DMTN: variants seen among roughly 807,000 people sequenced by gnomAD.
The protein encoded by DMTN is dematin actin binding protein.
In DMTN, 27 loss-of-function variants were observed where a neutral mutation model predicts 59.4. The observed-to-expected ratio is 0.45, with a 90% confidence interval of 0.33 to 0.63. DMTN has a LOEUF of 0.63. Among genes scored for constraint, DMTN ranks in the 20% least tolerant of loss-of-function variants. The pLI, the probability that DMTN is intolerant of heterozygous loss-of-function variation, is 0.02. For missense variants in DMTN, 451 were observed against 528.9 expected, an observed-to-expected ratio of 0.85 and a Z score of 1.45; for synonymous variants, 221 against 203.7, an observed-to-expected ratio of 1.08 and a Z score of -0.72.
Position 22,067,656 on chromosome 8 carries a change from C to A in DMTN, c.223C>A (p.His75Asn), listed in dbSNP as rs1225813349. The change falls in exon 4 of 16, where the codon CAC becomes AAC. Residue 75 changes from histidine to asparagine, a missense_variant. Coordinates refer to ENST00000358242, the MANE Select transcript of DMTN (RefSeq NM_001387751.1). ...TCACTTCACTTATTCCCTCCTGGAA[C>A]ACGTGGAGCTGCCTCGCAGCCGCGA... ...EPHFTYSLLEHVELPRSRERS... is the reference protein window; with the variant it reads ...EPHFTYSLLENVELPRSRERS... The A allele has an allele frequency of 6.2e-7, 1 of 1,613,982 alleles. No homozygotes were observed. The highest frequency in any genetic ancestry group is 1.3e-5 in the African/African-American group (1 of 74,936).
chr8:22,081,646 G>C lies in DMTN; in HGVS notation c.*183G>C. 1 of 619,238 alleles carries C rather than the reference G, an allele frequency of 1.6e-6. No individual in the cohort carries two copies. The highest frequency in any genetic ancestry group is 2.9e-6 in the Non-Finnish European group (1 of 347,548). 38.4% of individuals were successfully genotyped at this position (619,238 alleles called of 1,614,324 possible). On this transcript the variant is annotated 3_prime_UTR_variant, in exon 16 of 16. Coordinates refer to ENST00000358242, the MANE Select transcript of DMTN (RefSeq NM_001387751.1). ...TATGGACTTTCTTCCCCCTCACAAG[G>C]CTGGGGGCCTCCTGCTCTCGTCCCT...
At chr8:22,071,299 T>A (rs1300747142) in intron 8 of DMTN, among the ~76,000 whole-genome samples, 1 of 151,238 alleles carries the variant, frequency 6.6e-6, no homozygotes, top group Non-Finnish European at 1.5e-5. Context: ...GTTTTCATTA[T>A]GTTGGCCAGG....
At chr8:22,076,756 A>G (rs537734917) in intron 10 of DMTN, among the ~76,000 whole-genome samples, 130 of 152,108 alleles carry the variant, frequency 8.5e-4, no homozygotes, top group African/African-American at 3.0e-3. Flanking sequence ...GGTGACATAT[A>G]TATACACACA....
At chr8:22,054,365 C>A (rs185409111), upstream of DMTN, among the ~76,000 whole-genome samples, 2 of 151,798 alleles carry the variant, frequency 1.3e-5, no homozygotes, top group East Asian at 3.9e-4. Flanking sequence ...TGGAAGAGAG[C>A]TGTCCCTTGC....
chr8:22,073,721 C>T lies in DMTN; in HGVS notation c.730-9C>T. 6.2e-7 allele frequency: 1 copy of T among 1,601,330 alleles called. No individual in the cohort carries two copies. The highest frequency in any genetic ancestry group is 1.1e-5 in the South Asian group (1 of 90,820). ...AGTCTTGGCTCCATCTTCCTTTCTC[C>T]CTCCTCAGGTTACTTCCAACTTGGG... On this transcript the variant is annotated splice_polypyrimidine_tract_variant and intron_variant, in intron 9 of 15. Transcript: ENST00000358242.
intron 10 of DMTN, among the ~76,000 whole-genome samples, chr8:22,079,302 T>TATATATATATATATATATATATA (rs1491109949): frequency 1.3e-4 from 2 of 15,536 alleles, no homozygotes; most frequent in Admixed American, 1.1e-3. Flanking sequence ...ATATATATAT[T>TATATATATATATATATATATATA]AGCTGGGTTT....
intron 1 of DMTN, among the ~76,000 whole-genome samples, chr8:22,065,740 C>T (rs558280869): frequency 1.0e-4 from 15 of 150,596 alleles, no homozygotes; most frequent in African/African-American, 3.4e-4. Flanking sequence ...GAGGCTGAGA[C>T]AGGAGAATCG....
At chr8:22,055,516 C>G (rs1430294614), upstream of DMTN, 2 of 152,630 alleles carry the variant, frequency 1.3e-5, no homozygotes, top group East Asian at 3.8e-4. Flanking sequence ...GCTGGAGTGG[C>G]TCCTCCTCCA....
At chr8:22,069,575 C>A in intron 6 of DMTN, 57 bp downstream of exon 6, 1 of 1,431,152 alleles carries the variant, frequency 7.0e-7, no homozygotes, top group Non-Finnish European at 9.6e-7. Context: ...TCAGGAACCC[C>A]AATCCCCTTA....
At chr8:22,073,163 T>A (rs1476967113) in intron 9 of DMTN, among the ~76,000 whole-genome samples, 1 of 152,034 alleles carries the variant, frequency 6.6e-6, no homozygotes, top group Non-Finnish European at 1.5e-5. Context: ...GTGGTAGAGT[T>A]CTACCAAGCA....
intron 10 of DMTN, among the ~76,000 whole-genome samples, chr8:22,074,619 G>A (rs1586087115): frequency 6.6e-6 from 1 of 152,334 alleles, no homozygotes; most frequent in South Asian, 2.1e-4. Flanking sequence ...CAGAAAAAGT[G>A]AGTGGGAGAG....
At chr8:22,077,461 C>T (rs972006497) in intron 10 of DMTN, among the ~76,000 whole-genome samples, 1 of 151,960 alleles carries the variant, frequency 6.6e-6, no homozygotes, top group Non-Finnish European at 1.5e-5. Context: ...TGAGTGTTCC[C>T]CAGAGCTCTC....
upstream of DMTN, among the ~76,000 whole-genome samples, chr8:22,056,371 G>A (rs1206350203): frequency 1.3e-5 from 2 of 152,176 alleles, no homozygotes; most frequent in African/African-American, 4.8e-5. Context: ...CACCTCAAGA[G>A]GCTGGGCCCC....
intron 6 of DMTN, 124 bp downstream of exon 6, chr8:22,069,642 G>A: frequency 1.1e-6 from 1 of 933,518 alleles, no homozygotes; most frequent in Non-Finnish European, 1.6e-6. Flanking sequence ...GTAGGCCCCA[G>A]GAGGCCAGGA....
chr8:22,078,508 G>C (rs1407222228), intron 10 of DMTN, among the ~76,000 whole-genome samples: 4 of 145,740 alleles, frequency 2.7e-5, no homozygotes, highest in Non-Finnish European at 1.5e-5. Flanking sequence ...AAAAATGCTT[G>C]TGGAAACAGT....
At chr8:22,069,086 T>C (rs992804617) in intron 5 of DMTN, 26 bp downstream of exon 5, 10 of 1,604,948 alleles carry the variant, frequency 6.2e-6, no homozygotes, top group Middle Eastern at 1.7e-4. Flanking sequence ...ACCTGCAACT[T>C]GCCCTGCCCT....
Position 22,060,204 on chromosome 8 carries a change from C to G in DMTN, c.-172+3068C>G, listed in dbSNP as rs114136198. 1.3e-5 allele frequency among the ~76,000 whole-genome samples: 2 copies of G among 152,030 alleles called. No homozygotes were observed. The highest frequency in any genetic ancestry group is 4.8e-5 in the African/African-American group (2 of 41,386). On this transcript the variant is annotated intron_variant, in intron 1 of 15. Coordinates refer to ENST00000358242, the MANE Select transcript of DMTN (RefSeq NM_001387751.1). This position sits in a 1 kb window ranked among gnomAD's most constrained non-coding sequence, Gnocchi z 5.0. Reference sequence around the variant, plus strand: ...CTCGCCCTTTCTATCTCTTTGTGCACGGAGGTCGCTGGGACCTTGGGGATG... The same window carrying G: ...CTCGCCCTTTCTATCTCTTTGTGCAGGGAGGTCGCTGGGACCTTGGGGATG...
intron 4 of DMTN, among the ~76,000 whole-genome samples, chr8:22,068,116 A>C (rs974757973): frequency 3.9e-5 from 6 of 152,192 alleles, no homozygotes; most frequent in Admixed American, 3.9e-4. Flanking sequence ...GTACTCATCA[A>C]CTGCCTCCAA....
Position 22,081,824 on chromosome 8 carries a change from T to C in DMTN, c.*361T>C. The C allele has an allele frequency of 2.1e-6, 1 of 477,328 alleles. No individual in the cohort carries two copies. The highest frequency in any genetic ancestry group is 1.5e-5 in the South Asian group (1 of 64,572). 29.6% of individuals were successfully genotyped at this position (477,328 alleles called of 1,614,324 possible). A position where few individuals can be genotyped will look rare whatever the true frequency, so the allele number is the denominator to read the frequency against. On this transcript the variant is annotated 3_prime_UTR_variant, in exon 16 of 16. Coordinates refer to ENST00000358242, the MANE Select transcript of DMTN (RefSeq NM_001387751.1). ...CTGTCTTGAACAGCTGGAGGGAAGA[T>C]GCAGGGGTGGGAAGCGGCCAGGCAG... is the stretch of plus-strand genomic sequence containing the variant.
Sources: gnomAD v4.1 joint callset for allele counts (sites outside exome capture counted in the v4.1 genomes callset) on GRCh38, gnomAD v4.1.1 for gene constraint, Gnocchi (gnomAD v3.1) non-coding constraint, MANE v1.5 for transcripts, NCBI Gene and HGNC (gene_info 2026-07-23, HGNC 2026-07-21) for gene names.